Variants in FAM222B observed in about 807,000 individuals in gnomAD.
The protein encoded by FAM222B is family with sequence similarity 222 member B.
FAM222B carries 12 observed loss-of-function variants against 38.0 expected under a neutral mutation model. That is an observed-to-expected ratio of 0.32 (90% confidence interval 0.20 to 0.51). The LOEUF (loss-of-function observed/expected upper bound fraction) is 0.51. FAM222B is among the 20% of genes least tolerant of loss of function. The pLI, the probability that FAM222B is intolerant of heterozygous loss-of-function variation, is 0.97. For missense variants in FAM222B, 716 were observed against 754.2 expected (o/e 0.95, Z 0.59); for synonymous variants, 329 against 317.2 (o/e 1.04, Z -0.40).
At chr17:28,824,808 C>G (rs1215236903) in intron 1 of FAM222B, among the ~76,000 whole-genome samples, 1 of 152,148 alleles carries the variant, frequency 6.6e-6, no homozygotes, top group Non-Finnish European at 1.5e-5. Context: ...GAGTTTCGCT[C>G]TTGTTGACCA....
intron 1 of FAM222B, among the ~76,000 whole-genome samples, chr17:28,852,273 A>G (rs2039187279): frequency 6.6e-6 from 1 of 151,886 alleles, no homozygotes; most frequent in African/African-American, 2.4e-5. Context: ...AGGCTGAGGC[A>G]GGAGAATGGC....
chr17:28,779,432 A>G lies in FAM222B; in HGVS notation c.-40-12725T>C, dbSNP rs564527928. Among the ~76,000 whole-genome samples, 20 of 152,264 alleles carry G rather than the reference A, an allele frequency of 1.3e-4. No homozygotes were observed. In the South Asian group the frequency reaches 3.5e-3, roughly 27 times the overall value. On this transcript the variant is annotated intron_variant, in intron 1 of 2. Transcript: ENST00000581407. ...ACAAGCAAAGTGAAGGGCAAAAACC[A>G]TATGATCATCACAACAGATGCAAAA...
chr17:28,835,022 TTTTG>T (rs985450680), intron 1 of FAM222B, among the ~76,000 whole-genome samples: 2 of 53,488 alleles, frequency 3.7e-5, no homozygotes, highest in Admixed American at 2.4e-4. Flanking sequence ...ACTCAGCTAA[TTTTG>T]TGTGTGTGTG....
intron 1 of FAM222B, among the ~76,000 whole-genome samples, chr17:28,836,957 A>G (rs968405655): frequency 6.6e-6 from 1 of 152,006 alleles, no homozygotes; most frequent in Admixed American, 6.6e-5. Flanking sequence ...ATCTCTACTA[A>G]AAGTACAAAA....
chr17:28,785,990 C>G (rs1215383048), intron 1 of FAM222B, among the ~76,000 whole-genome samples: 2 of 152,060 alleles, frequency 1.3e-5, no homozygotes, highest in Non-Finnish European at 2.9e-5. Flanking sequence ...TGAGGCACCA[C>G]ACCCAGCTAA....
intron 1 of FAM222B, among the ~76,000 whole-genome samples, chr17:28,776,452 C>CTTTTTTTT (rs397857136): frequency 1.1e-5 from 1 of 90,972 alleles, no homozygotes; most frequent in African/African-American, 4.7e-5. Context: ...CCTAAAAAGA[C>CTTTTTTTT]TTTTTTTTTT....
chr17:28,835,355 T>C (rs2038807361), intron 1 of FAM222B, among the ~76,000 whole-genome samples: 1 of 152,034 alleles, frequency 6.6e-6, no homozygotes, highest in Admixed American at 6.6e-5. Flanking sequence ...TCTTTAAAAA[T>C]GATTTTGTCA....
chr17:28,772,960 A>G (rs1050420532), intron 1 of FAM222B, among the ~76,000 whole-genome samples: 8 of 152,180 alleles, frequency 5.3e-5, no homozygotes, highest in African/African-American at 1.9e-4. Flanking sequence ...TATTGATAGC[A>G]AACAAAGAAG....
chr17:28,763,537 C>T lies in FAM222B; in HGVS notation c.82+3049G>A, dbSNP rs2035184578. Among the ~76,000 whole-genome samples the T allele has an allele frequency of 2.0e-5, 3 of 152,256 alleles. No individual in the cohort carries two copies. In the South Asian group the frequency reaches 6.2e-4, roughly 32 times the overall value. ...TCCTCCCAATGGAGACCTCTCTGTT[C>T]ATCCTTCTGTTTTGAAGGTCAGAGG... On this transcript the variant is annotated intron_variant, in intron 2 of 2. Transcript: ENST00000581407.
intron 2 of FAM222B, among the ~76,000 whole-genome samples, chr17:28,765,185 C>T (rs576032323): frequency 8.8e-4 from 134 of 152,338 alleles, no homozygotes; most frequent in African/African-American, 3.2e-3. Context: ...ACTAGCCAGG[C>T]TCTGAGTCTT....
chr17:28,829,683 G>C (rs1199758423), intron 1 of FAM222B, among the ~76,000 whole-genome samples: 1 of 152,024 alleles, frequency 6.6e-6, no homozygotes, highest in Non-Finnish European at 1.5e-5. Context: ...GTATTCCATT[G>C]TGTAGATACA....
intron 1 of FAM222B, among the ~76,000 whole-genome samples, chr17:28,852,247 G>A (rs897988430): frequency 6.6e-6 from 1 of 151,374 alleles, no homozygotes; most frequent in Non-Finnish European, 1.5e-5. Flanking sequence ...GGCGCCTGCA[G>A]TCTCAGCTAC....
At chr17:28,841,423 GGA>G (rs2039034341) in intron 1 of FAM222B, among the ~76,000 whole-genome samples, 1 of 152,204 alleles carries the variant, frequency 6.6e-6, no homozygotes, top group Non-Finnish European at 1.5e-5. Flanking sequence ...CACCCGAACT[GGA>G]GTGCAATAGC....
At chr17:28,768,539 A>G (rs909872209) in intron 1 of FAM222B, among the ~76,000 whole-genome samples, 1 of 147,428 alleles carries the variant, frequency 6.8e-6, no homozygotes, top group Non-Finnish European at 1.5e-5. Flanking sequence ...GTGCCTCAAG[A>G]AAAAAAAAAA....
At chr17:28,791,675 A>ATTTTTTTTT (rs869183871) in intron 1 of FAM222B, among the ~76,000 whole-genome samples, 2 of 116,850 alleles carry the variant, frequency 1.7e-5, no homozygotes, top group Non-Finnish European at 3.5e-5. Context: ...GAGCCCAGGA[A>ATTTTTTTTT]TTTTTTTTTT....
intron 1 of FAM222B, among the ~76,000 whole-genome samples, chr17:28,781,067 C>CAT (rs1251645414): frequency 1.3e-5 from 2 of 152,216 alleles, no homozygotes; most frequent in African/African-American, 4.8e-5. Flanking sequence ...GCTCCAAAGA[C>CAT]ATACAAATGG....
At chr17:28,762,667 G>A (rs1351595838) in intron 2 of FAM222B, among the ~76,000 whole-genome samples, 6 of 133,240 alleles carry the variant, frequency 4.5e-5, no homozygotes, top group Non-Finnish European at 9.6e-5. Context: ...AGCTGGGCAT[G>A]GTGGCTCACG....
intron 1 of FAM222B, among the ~76,000 whole-genome samples, chr17:28,838,617 A>G (rs1181410377): frequency 6.6e-6 from 1 of 150,920 alleles, no homozygotes; most frequent in African/African-American, 2.4e-5. Context: ...AACAAAAAAA[A>G]GATTTTTGGC....
chr17:28,834,556 C>T (rs1345613597), intron 1 of FAM222B, among the ~76,000 whole-genome samples: 1 of 152,048 alleles, frequency 6.6e-6, no homozygotes, highest in Non-Finnish European at 1.5e-5. Context: ...AAATTGTATT[C>T]CTCCTTCAAG....
Sources: gnomAD v4.1 joint callset for allele counts (sites outside exome capture counted in the v4.1 genomes callset) on GRCh38, gnomAD v4.1.1 for gene constraint, MANE v1.5 for transcripts, NCBI Gene and HGNC (gene_info 2026-07-23, HGNC 2026-07-21) for gene names.